The following ACYP2 variants were observed in gnomAD, a reference collection of about 807,000 sequenced individuals.
The protein encoded by ACYP2 is acylphosphatase 2.
A neutral mutation model predicts 11.2 loss-of-function variants in ACYP2; 12 were observed. The ratio of observed to expected loss-of-function variants is 1.08; its 90% CI spans 0.69 to 1.74. ACYP2 has a LOEUF of 1.74. ACYP2 is among the 40% of genes most tolerant of loss of function. ACYP2 has a pLI of 0.00. For synonymous variants in ACYP2, 43 were observed against 32.2 expected (o/e 1.33, Z -1.13); for missense variants, 134 against 101.9 (o/e 1.31, Z -1.35).
intron 4 of ACYP2, among the ~76,000 whole-genome samples, chr2:54,084,277 A>C (rs1677827715): frequency 6.6e-6 from 1 of 152,072 alleles, no homozygotes; most frequent in Non-Finnish European, 1.5e-5. Flanking sequence ...CTTAGTATTC[A>C]GTTTATTTCT....
chr2:54,057,169 T>A, intron 3 of ACYP2: 1 of 395,220 alleles, frequency 2.5e-6, no homozygotes. Context: ...ATGACATAAC[T>A]ATGCAACCTG....
intron 6 of ACYP2, chr2:54,254,288 G>A (rs909627559): frequency 6.6e-6 from 1 of 152,376 alleles, no homozygotes; most frequent in Non-Finnish European, 1.5e-5. Flanking sequence ...GTGTTCTGGA[G>A]ATCCCTGTTT....
intron 4 of ACYP2, among the ~76,000 whole-genome samples, chr2:54,105,725 C>T (rs377204585): frequency 3.2e-4 from 48 of 152,066 alleles, no homozygotes; most frequent in African/African-American, 1.0e-3. Flanking sequence ...AACTCCTGGG[C>T]TCAAGCGATC....
In ACYP2 at chr2:54,081,578, T is replaced by G. The variant is rs6721790; in HGVS notation, c.277+24218T>G. Among the ~76,000 whole-genome samples the G allele has an allele frequency of 9.8e-4, 149 of 152,302 alleles. 1 individual carries two copies. The highest frequency in any genetic ancestry group is 3.5e-3 in the African/African-American group (146 of 41,558). On this transcript the variant is annotated intron_variant, in intron 4 of 6. Coordinates refer to ENST00000607452, the MANE Select transcript of ACYP2 (RefSeq NM_001320586.2). ...TGTGGAGTAGGCTATACCATCTAGG[T>G]TTGTATAAGCACACCCCGTAATGCT...
Position 54,255,578 on chromosome 2 carries a change from C to T in ACYP2, c.405-49110C>T, listed in dbSNP as rs375747246. ...AGACCCACGTTCAGGGGCCCGGGCCCGGGCCCAGGCCCTGCCTCCCTGTTT... is the reference window on the plus strand; with the variant it reads ...AGACCCACGTTCAGGGGCCCGGGCCTGGGCCCAGGCCCTGCCTCCCTGTTT... On this transcript the variant is annotated intron_variant, in intron 6 of 6. Transcript: ENST00000607452. The T allele has an allele frequency of 5.8e-5, 93 of 1,613,014 alleles. No individual in the cohort carries two copies. In the African/African-American group the frequency reaches 7.5e-4, roughly 13 times the overall value.
Position 54,168,208 on chromosome 2 carries a change from T to C in ACYP2, c.404+29460T>C, listed in dbSNP as rs1371939229. On this transcript the variant is annotated intron_variant, in intron 6 of 6. Transcript: ENST00000607452. Reference sequence around the variant, plus strand: ...GGTAGGTTGAGGTGAGCAGATCACTTGAGGTCAGGAGTTCAAGACCAGCCT... The same window carrying C: ...GGTAGGTTGAGGTGAGCAGATCACTCGAGGTCAGGAGTTCAAGACCAGCCT... 3.3e-5 allele frequency among the ~76,000 whole-genome samples: 5 copies of C among 152,074 alleles called. No individual in the cohort carries two copies. In the East Asian group the frequency reaches 9.6e-4, roughly 29 times the overall value.
chr2:54,172,165 C>A (rs1313010358), intron 6 of ACYP2, among the ~76,000 whole-genome samples: 1 of 152,060 alleles, frequency 6.6e-6, no homozygotes. Flanking sequence ...CTGCAGTGAG[C>A]TATAATTGTG....
chr2:54,263,441 C>T (rs955705455), intron 6 of ACYP2, among the ~76,000 whole-genome samples: 3 of 152,164 alleles, frequency 2.0e-5, no homozygotes, highest in East Asian at 3.8e-4. Context: ...AATATCCAAC[C>T]ATATCACCGT....
In ACYP2 at chr2:54,138,714, C is replaced by G. The variant is rs1344941618; in HGVS notation, c.370C>G (p.Gln124Glu). 3 of 1,613,852 alleles carry G rather than the reference C, an allele frequency of 1.9e-6. No homozygotes were observed. The highest frequency in any genetic ancestry group is 2.5e-6 in the Non-Finnish European group (3 of 1,179,970). The stretch of plus-strand genomic sequence containing the variant: ...TACCAGCAAAGGCACCGTGACAGGC[C>G]AAGTGCAGGGGCCAGAAGACAAAGT... The change falls in exon 6 of 7, where the codon CAA (glutamine) becomes GAA (glutamate). Residue 124 changes from glutamine to glutamate, a missense_variant. Physicochemically the swap from Gln to Glu is conservative, Grantham distance 29. Coordinates refer to ENST00000607452, the MANE Select transcript of ACYP2 (RefSeq NM_001320586.2).
At chr2:54,135,679 C>T (rs1297896033) in intron 5 of ACYP2, among the ~76,000 whole-genome samples, 1 of 152,092 alleles carries the variant, frequency 6.6e-6, no homozygotes, top group Non-Finnish European at 1.5e-5. Flanking sequence ...ATTTACTTAA[C>T]ATTTTCTATA....
chr2:54,067,829 G>T (rs901631951), intron 4 of ACYP2, among the ~76,000 whole-genome samples: 1 of 152,136 alleles, frequency 6.6e-6, no homozygotes, highest in South Asian at 2.1e-4. Context: ...ACTCCTTAAA[G>T]TTAACATTTA....
intron 6 of ACYP2, among the ~76,000 whole-genome samples, chr2:54,284,740 C>T (rs1351518784): frequency 6.6e-6 from 1 of 152,166 alleles, no homozygotes; most frequent in East Asian, 1.9e-4. Flanking sequence ...CTTTCTCACC[C>T]ACCTATTTTT....
Position 54,304,803 on chromosome 2 carries a change from T to A in ACYP2, c.*1T>A. ...CTCTAATTTTAGTATTAGATACTAA[T>A]AGAAGAGAAAAATTGTAACACACTG... is the stretch of plus-strand genomic sequence containing the variant. On this transcript the variant is annotated 3_prime_UTR_variant, in exon 7 of 7. Coordinates refer to ENST00000607452, the MANE Select transcript of ACYP2 (RefSeq NM_001320586.2). 1.3e-6 allele frequency: 2 copies of A among 1,524,182 alleles called. No homozygotes were observed. The highest frequency in any genetic ancestry group is 1.8e-6 in the Non-Finnish European group (2 of 1,102,482). The allele number at this position is 1,524,182 out of a possible 1,614,324, so 94.4% of individuals were successfully genotyped here. A position where few individuals can be genotyped will look rare whatever the true frequency, so the allele number is the denominator to read the frequency against.
chr2:54,049,987 G>C (rs1675750017), intron 2 of ACYP2, among the ~76,000 whole-genome samples: 1 of 152,092 alleles, frequency 6.6e-6, no homozygotes, highest in Non-Finnish European at 1.5e-5. Context: ...TTGCTACTGG[G>C]TGGACACTGC....
intron 6 of ACYP2, among the ~76,000 whole-genome samples, chr2:54,281,463 G>A (rs1391884467): frequency 6.6e-6 from 1 of 152,158 alleles, no homozygotes; most frequent in Admixed American, 6.5e-5. Context: ...ATGATACCCA[G>A]GACAGGTAAA....
At chr2:53,991,465 G>T (rs1424745335) in intron 2 of ACYP2, among the ~76,000 whole-genome samples, 11 of 151,548 alleles carry the variant, frequency 7.3e-5, no homozygotes, top group Non-Finnish European at 1.3e-4. Context: ...GAGTGCAGTG[G>T]TGCGATCTTG....
At chr2:54,302,511 G>A (rs903443263) in intron 6 of ACYP2, among the ~76,000 whole-genome samples, 1 of 152,082 alleles carries the variant, frequency 6.6e-6, no homozygotes, top group Non-Finnish European at 1.5e-5. Context: ...ACAGTCATTG[G>A]ACCTATCTTT....
At position 54,115,168 on chromosome 2, in the gene ACYP2, G is replaced by A. The variant is rs568268757; in HGVS notation, c.278-20285G>A. On this transcript the variant is annotated intron_variant, in intron 4 of 6. Coordinates refer to ENST00000607452, the MANE Select transcript of ACYP2 (RefSeq NM_001320586.2). ...ATGTATTGTGTCCTTAAAAATTGATGAGAGTAGATCTTAAATGTTCTCTTC... is the reference window on the plus strand; with the variant it reads ...ATGTATTGTGTCCTTAAAAATTGATAAGAGTAGATCTTAAATGTTCTCTTC... Among the ~76,000 whole-genome samples, 144 of 152,274 alleles carry A rather than the reference G, an allele frequency of 9.5e-4. 2 individuals are homozygous for A. In the South Asian group the frequency reaches 0.028, roughly 30 times the overall value.
intron 2 of ACYP2, among the ~76,000 whole-genome samples, chr2:54,023,354 T>G (rs1327700231): frequency 1.3e-5 from 2 of 152,206 alleles, no homozygotes; most frequent in African/African-American, 4.8e-5. Flanking sequence ...GGGGTCTCCC[T>G]ATGTTGTCTA....
Sources: gnomAD v4.1 joint callset for allele counts (sites outside exome capture counted in the v4.1 genomes callset) on GRCh38, gnomAD v4.1.1 for gene constraint, MANE v1.5 for transcripts, NCBI Gene and HGNC (gene_info 2026-07-23, HGNC 2026-07-21) for gene names.